The following EGF variants were observed in gnomAD, a reference collection of about 807,000 sequenced individuals.
The protein encoded by EGF is epidermal growth factor.
A neutral mutation model predicts 143.8 loss-of-function variants in EGF; 95 were observed. The observed-to-expected ratio is 0.66, with a 90% CI of 0.56 to 0.78. The LOEUF is 0.78. Ranked by LOEUF, EGF falls within the 30% of genes least tolerant of loss-of-function variation. EGF has a pLI of 0.00. For synonymous variants in EGF, 510 were observed against 510.5 expected, an observed-to-expected ratio of 1.00 and a Z score of 0.01; for missense variants, 1,320 against 1,470.9, an observed-to-expected ratio of 0.90 and a Z score of 1.68.
At chr4:109,968,707 T>TCTATCTAC (rs139653683) in intron 10 of EGF, 22 of 351,482 alleles carry the variant, frequency 6.3e-5, no homozygotes, top group African/African-American at 1.5e-4. Flanking sequence ...TATCTATCTA[T>TCTATCTAC]CTACCTACCT....
Position 110,004,597 on chromosome 4 carries a change from G to A in EGF, c.3266G>A (p.Gly1089Glu), listed in dbSNP as rs764743412. The A allele has an allele frequency of 1.9e-6, 3 of 1,613,924 alleles. No individual in the cohort carries two copies. Among genetic ancestry groups the A allele is most frequent in the Non-Finnish European group, 8.5e-7 (1 of 1,179,850 alleles). ...RSRRPADTED[G>E]MSSCPQPWFV... The stretch of plus-strand genomic sequence containing the variant: ...CGCAGGCCTGCTGACACTGAGGATG[G>A]GATGTCCTCTTGCCCTCAACCTTGG... Residue 1089 changes from glycine (G) to glutamate (E), a missense_variant, in exon 22 of 24, where the codon GGG becomes GAG. This residue lies in a region of EGF where 1,186 missense variants were observed against 1,313.7 expected (regional missense o/e 0.90). Transcript: ENST00000265171.
intron 20 of EGF, among the ~76,000 whole-genome samples, chr4:109,997,828 A>T (rs1257240078): frequency 6.6e-6 from 1 of 152,008 alleles, no homozygotes; most frequent in Non-Finnish European, 1.5e-5. Flanking sequence ...GCACCACTGC[A>T]CTCCAGCCTG....
At chr4:109,963,137 T>C (rs1201868000) in intron 8 of EGF, 36 bp from the exon 9 acceptor site, 7 of 1,612,216 alleles carry the variant, frequency 4.3e-6, no homozygotes, top group Non-Finnish European at 5.9e-6. Flanking sequence ...ATATTTTGGA[T>C]GACGTAGCAT....
At position 109,983,496 on chromosome 4, in the gene EGF, A is replaced by G. The variant is rs1749691370; in HGVS notation, c.2446A>G (p.Ile816Val). The change falls in exon 16 of 24, where the codon ATT becomes GTT. Residue 816 changes from isoleucine to valine, a missense_variant. Transcript: ENST00000265171. ...CAAGACTAGAGTGTCAGAAGATAAC[A>G]TTACAGAATCTCAACACATGCTAGT... ...LSKTRVSEDN[I>V]TESQHMLVAE... The G allele has an allele frequency of 6.2e-7, 1 of 1,613,882 alleles. No homozygotes were observed. The highest frequency in any genetic ancestry group is 8.5e-7 in the Non-Finnish European group (1 of 1,179,858).
chr4:109,916,233 T>C (rs1013646327), intron 1 of EGF, among the ~76,000 whole-genome samples: 33 of 152,312 alleles, frequency 2.2e-4, no homozygotes, highest in African/African-American at 7.2e-4. Flanking sequence ...CCCAGTCATG[T>C]GCAAACCAGA....
rs753681170 is a variant in EGF at position 109,980,076 on chromosome 4, C to G, written c.2158C>G (p.Arg720Gly). The change falls in exon 14 of 24, where the codon CGT becomes GGT. Residue 720 changes from arginine (R) to glycine (G), a missense_variant. Arg to Gly is a moderately radical substitution (Grantham distance 125). Around this residue, in one of 5 missense-constraint regions of EGF, gnomAD observed 1,186 missense variants for 1,313.7 expected, o/e 0.90. Coordinates refer to ENST00000265171, the MANE Select transcript of EGF (RefSeq NM_001963.6). ...VNKRTGKDRV[R>G]LQGSMLKPSS... ...CAAGAGGACTGGCAAAGATAGAGTA[C>G]GTCTCCAAGGCAGCATGCTGAAGCC... 2 of 1,613,772 alleles carry G rather than the reference C, an allele frequency of 1.2e-6. No homozygotes were observed. Among genetic ancestry groups the G allele is most frequent in the Admixed American group, 3.3e-5 (2 of 59,978 alleles).
At chr4:109,962,964 A>G (rs929103275) in intron 8 of EGF, among the ~76,000 whole-genome samples, 1 of 151,588 alleles carries the variant, frequency 6.6e-6, no homozygotes, top group African/African-American at 2.4e-5. Flanking sequence ...CTACTTGGGA[A>G]GCTGAGGCAG....
chr4:109,931,781 A>C (rs1234062261), intron 1 of EGF, among the ~76,000 whole-genome samples: 1 of 152,262 alleles, frequency 6.6e-6, no homozygotes, highest in African/African-American at 2.4e-5. Flanking sequence ...CTGGGTGATT[A>C]TTTTAAACAA....
intron 22 of EGF, 145 bp from the exon 23 acceptor site, chr4:110,008,007 A>G: frequency 1.3e-6 from 1 of 774,036 alleles, no homozygotes. Flanking sequence ...CTTTAGATAG[A>G]AAGACTAACT....
At chr4:109,986,219 G>A (rs1750087849) in intron 16 of EGF, among the ~76,000 whole-genome samples, 1 of 152,120 alleles carries the variant, frequency 6.6e-6, no homozygotes, top group South Asian at 2.1e-4. Flanking sequence ...GCTGCCTTGG[G>A]TTTGCATGTT....
At chr4:109,937,985 G>A (rs1272347781) in intron 1 of EGF, among the ~76,000 whole-genome samples, 1 of 152,104 alleles carries the variant, frequency 6.6e-6, no homozygotes, top group African/African-American at 2.4e-5. Context: ...TGAAAATTAT[G>A]TGTCTTGGGG....
chr4:109,913,438 G>C lies in EGF; in HGVS notation c.103G>C (p.Gly35Arg). Residue 35 changes from glycine (G) to arginine (R), a missense_variant, in exon 1 of 24, where the codon GGA becomes CGA. Around this residue, in one of 5 missense-constraint regions of EGF, gnomAD observed 79 missense variants for 71.2 expected, o/e 1.11. Transcript: ENST00000265171. ...HWSCPEGTLA[G>R]NGNSTCVGPA... Reference sequence around the variant, plus strand: ...GAGCTGTCCTGAAGGTACTCTCGCAGGAAATGGGAATTCTACTTGTGTGGG... The same window carrying C: ...GAGCTGTCCTGAAGGTACTCTCGCACGAAATGGGAATTCTACTTGTGTGGG... 6.2e-7 allele frequency: 1 copy of C among 1,613,850 alleles called. No individual in the cohort carries two copies. Among genetic ancestry groups the C allele is most frequent in the Non-Finnish European group, 8.5e-7 (1 of 1,179,884 alleles).
At position 109,959,296 on chromosome 4, in the gene EGF, G is replaced by A. The variant is rs1395229065; in HGVS notation, c.941-16G>A. 1 of 1,613,736 alleles carries A rather than the reference G, an allele frequency of 6.2e-7. No individual in the cohort carries two copies. The highest frequency in any genetic ancestry group is 2.2e-5 in the East Asian group (1 of 44,874). ...AAAACACGGCCCCACTCCAAATAAA[G>A]CATCTTCTCTTTTAGAGCAGAAACT... On this transcript the variant is annotated splice_polypyrimidine_tract_variant and intron_variant, in intron 5 of 23. Transcript: ENST00000265171.
chr4:109,944,052 T>G lies in EGF; in HGVS notation c.720T>G (p.Ile240Met), dbSNP rs200702456. 2 of 1,614,130 alleles carry G rather than the reference T, an allele frequency of 1.2e-6. No homozygotes were observed. Among genetic ancestry groups the G allele is most frequent in the Admixed American group, 3.3e-5 (2 of 60,030 alleles). Residue 240 changes from isoleucine (I) to methionine (M), a missense_variant, in exon 4 of 24, where the codon ATT (isoleucine) becomes ATG (methionine). Ile to Met is a conservative substitution (Grantham distance 10, BLOSUM62 1). Transcript: ENST00000265171. Reference protein sequence around the residue: ...SCDYDGGSVHISKHPTQHNLF... With the variant: ...SCDYDGGSVHMSKHPTQHNLF... ...ATTATGATGGAGGTTCTGTCCACAT[T>G]AGTAAACATCCAACACAGTAAGTTT...
At chr4:109,932,250 C>G (rs1283401424) in intron 1 of EGF, among the ~76,000 whole-genome samples, 1 of 148,720 alleles carries the variant, frequency 6.7e-6, no homozygotes, top group East Asian at 2.0e-4. Context: ...TTTTTGAGTG[C>G]CTATTATGTA....
At chr4:109,975,278 T>C (rs1385100732) in intron 12 of EGF, among the ~76,000 whole-genome samples, 1 of 152,184 alleles carries the variant, frequency 6.6e-6, no homozygotes, top group Non-Finnish European at 1.5e-5. Context: ...GATTAGAGAT[T>C]TAAGGACAAT....
At chr4:109,917,779 C>T (rs146687310) in intron 1 of EGF, among the ~76,000 whole-genome samples, 2,185 of 152,112 alleles carry the variant, frequency 0.014, 53 homozygotes, top group African/African-American at 0.048. Flanking sequence ...TGCCACCACA[C>T]CTGCTAATTT....
chr4:109,970,812 G>A lies in EGF; in HGVS notation c.1724+1693G>A, dbSNP rs550749707. The stretch of plus-strand genomic sequence containing the variant: ...TGCACTCCAGCCTGGGTGGCAGAGC[G>A]AGACTCCGTCTCAAAAAAAAAAAAA... On this transcript the variant is annotated intron_variant, in intron 11 of 23. Transcript: ENST00000265171. Among the ~76,000 whole-genome samples the A allele has an allele frequency of 3.7e-3, 433 of 116,862 alleles. 3 individuals carry two copies. The highest frequency in any genetic ancestry group is 0.017 in the African/African-American group (413 of 24,210). 76.7% of individuals were successfully genotyped at this position (116,862 alleles called of 152,430 possible).
At chr4:109,975,861 C>A in intron 12 of EGF, 151 bp from the exon 13 acceptor site, 1 of 833,014 alleles carries the variant, frequency 1.2e-6, no homozygotes, top group African/African-American at 1.7e-5. Context: ...AAATTATTTG[C>A]CGAACATACA....
Sources: gnomAD v4.1 joint callset for allele counts (sites outside exome capture counted in the v4.1 genomes callset) on GRCh38, gnomAD v4.1.1 for gene constraint, gnomAD v4.1.1 regional missense constraint, MANE v1.5 for transcripts, NCBI Gene and HGNC (gene_info 2026-07-23, HGNC 2026-07-21) for gene names.